Variants in AMMECR1 observed in about 807,000 individuals in gnomAD.
AMMECR1 encodes the protein AMMECR nuclear protein 1, also known as nuclear protein AMMECR1.
Under a neutral mutation model 22.5 loss-of-function variants are expected in AMMECR1, and 3 were observed. That is an observed-to-expected ratio of 0.13 (90% CI 0.06 to 0.35). The LOEUF (loss-of-function observed/expected upper bound fraction) is 0.35, where lower values mean the gene tolerates loss of function less well. AMMECR1 is among the 10% of genes least tolerant of loss of function. The pLI, the probability that AMMECR1 is intolerant of heterozygous loss-of-function variation, is 1.00. For missense variants in AMMECR1, 235 were observed against 278.7 expected (o/e 0.84, Z 1.12); for synonymous variants, 130 against 116.7 (o/e 1.11, Z -0.74).
Position 110,317,604 on chromosome X carries a change from C to A in AMMECR1, c.468G>T (p.Glu156Asp). The A allele has an allele frequency of 8.4e-7, 1 of 1,190,063 alleles. No homozygotes were observed. Among genetic ancestry groups the A allele is most frequent in the Non-Finnish European group, 1.1e-6 (1 of 883,272 alleles). Residue 156 changes from glutamate to aspartate, a missense_variant, in exon 1 of 6, where the codon GAG (glutamate) becomes GAT (aspartate). Transcript: ENST00000262844. ...GCGGAGGGCACGGTACTCACTAGGG[C>A]TCGTTGGTGAATCGGGGGGTCCGGG... ...QQPRTPRFTNEPYPLFVTWKI... is the reference protein window; with the variant it reads ...QQPRTPRFTNDPYPLFVTWKI...
In AMMECR1 at chrX:110,347,307, C is replaced by G. The variant is rs2068194476; in HGVS notation, c.-147-29458G>C. Among the ~76,000 whole-genome samples, 2 of 112,752 alleles carry G rather than the reference C, an allele frequency of 1.8e-5. 1 individual carries two copies. Among genetic ancestry groups the G allele is most frequent in the South Asian group, 7.3e-4 (2 of 2,746 alleles). Reference sequence around the variant, plus strand: ...CCATCTTTCCCCTTTCTTCGAAATGCTGTATGGCATATATATTTTTAATTA... The same window carrying G: ...CCATCTTTCCCCTTTCTTCGAAATGGTGTATGGCATATATATTTTTAATTA... On this transcript the variant is annotated intron_variant, in intron 2 of 7. Transcript: ENST00000372057.
At chrX:110,282,447 A>T (rs2067857147) in intron 1 of AMMECR1, among the ~76,000 whole-genome samples, 1 of 110,679 alleles carries the variant, frequency 9.0e-6, no homozygotes, top group African/African-American at 3.3e-5. Context: ...TGCCTACTTG[A>T]TGAACTGCTA....
At chrX:110,308,868 A>C (rs1221100181) in intron 1 of AMMECR1, among the ~76,000 whole-genome samples, 1 of 111,734 alleles carries the variant, frequency 8.9e-6, no homozygotes, top group Non-Finnish European at 1.9e-5. Context: ...CATGGAAAAA[A>C]GGCAAAGACT....
intron 1 of AMMECR1, among the ~76,000 whole-genome samples, chrX:110,299,284 T>A (rs1023140768): frequency 2.7e-5 from 3 of 112,003 alleles, no homozygotes; most frequent in African/African-American, 3.2e-5. Flanking sequence ...TCTGGATAAG[T>A]TAAAGTTTAA....
At chrX:110,436,052 G>GC (rs1463896631) in intron 1 of AMMECR1, among the ~76,000 whole-genome samples, 3 of 112,589 alleles carry the variant, frequency 2.7e-5, no homozygotes, top group Non-Finnish European at 5.6e-5. Context: ...GTCTTCTATA[G>GC]CCCCAACTAG....
chrX:110,230,075 G>A (rs1318122329), intron 2 of AMMECR1, among the ~76,000 whole-genome samples: 1 of 112,977 alleles, frequency 8.9e-6, no homozygotes, highest in Admixed American at 9.3e-5. Context: ...CTGTGGGCAG[G>A]GCACAGCTGA....
chrX:110,325,937 G>T (rs1009971401), intron 2 of AMMECR1, among the ~76,000 whole-genome samples: 8 of 111,449 alleles, frequency 7.2e-5, no homozygotes, highest in African/African-American at 2.6e-4. Flanking sequence ...TTCTTTAGCT[G>T]CATTCCGTAA....
At chrX:110,289,637 C>A (rs946783531) in intron 1 of AMMECR1, among the ~76,000 whole-genome samples, 1 of 111,444 alleles carries the variant, frequency 9.0e-6, no homozygotes. Flanking sequence ...GCAAATGTGC[C>A]CAGCCTATTT....
chrX:110,422,723 T>G (rs924326271), intron 2 of AMMECR1, among the ~76,000 whole-genome samples: 1 of 111,977 alleles, frequency 8.9e-6, no homozygotes, highest in Admixed American at 9.4e-5. Context: ...TGGGAGAACT[T>G]ATATGCTCTT....
chrX:110,310,564 G>T (rs2068019331), intron 1 of AMMECR1, among the ~76,000 whole-genome samples: 1 of 111,529 alleles, frequency 9.0e-6, no homozygotes. Context: ...GAGTTCTTAT[G>T]CCTGTGATCA....
intron 2 of AMMECR1, among the ~76,000 whole-genome samples, chrX:110,353,308 T>A (rs2068217972): frequency 1.8e-5 from 2 of 112,163 alleles, no homozygotes; most frequent in African/African-American, 3.2e-5. Context: ...GTCTCTATTT[T>A]GTTTATTTCT....
At chrX:110,412,795 T>C (rs2068649754) in intron 2 of AMMECR1, among the ~76,000 whole-genome samples, 1 of 112,103 alleles carries the variant, frequency 8.9e-6, no homozygotes, top group Admixed American at 9.4e-5. Flanking sequence ...GTAAGTATAG[T>C]AGGATCTGAT....
chrX:110,311,949 C>A (rs1160772973), intron 1 of AMMECR1, among the ~76,000 whole-genome samples: 3 of 112,042 alleles, frequency 2.7e-5, no homozygotes, highest in Non-Finnish European at 5.6e-5. Flanking sequence ...GGTTTTACTG[C>A]TGGTCCTCAC....
intron 2 of AMMECR1, among the ~76,000 whole-genome samples, chrX:110,231,787 C>T (rs776263677): frequency 5.1e-4 from 56 of 110,634 alleles, no homozygotes; most frequent in South Asian, 3.1e-3. Context: ...TATGCAAAGA[C>T]GCATACAGGC....
intron 2 of AMMECR1, among the ~76,000 whole-genome samples, chrX:110,360,949 T>C (rs2068259135): frequency 1.8e-5 from 2 of 111,832 alleles, no homozygotes; most frequent in Admixed American, 9.5e-5. Flanking sequence ...TTTATCTTCT[T>C]AGTGATGCTC....
intron 2 of AMMECR1, among the ~76,000 whole-genome samples, chrX:110,250,192 T>C (rs1486735017): frequency 1.8e-5 from 2 of 112,315 alleles, no homozygotes; most frequent in Non-Finnish European, 3.8e-5. Context: ...TACTTTTTCA[T>C]TTTTTAAGCA....
At chrX:110,369,115 G>A (rs1159889813) in intron 2 of AMMECR1, among the ~76,000 whole-genome samples, 13 of 111,833 alleles carry the variant, frequency 1.2e-4, no homozygotes, top group Non-Finnish European at 2.1e-4. Context: ...GGCAGATCAG[G>A]AAGTCAGGGA....
intron 2 of AMMECR1, among the ~76,000 whole-genome samples, chrX:110,396,596 T>G (rs1017745307): frequency 8.9e-6 from 1 of 112,053 alleles, no homozygotes. Flanking sequence ...CAGTTTGATG[T>G]GTATTGGGTA....
At chrX:110,255,884 CAA>C (rs1231216245) in intron 2 of AMMECR1, among the ~76,000 whole-genome samples, 2 of 111,940 alleles carry the variant, frequency 1.8e-5, no homozygotes, top group Non-Finnish European at 3.8e-5. Context: ...AACATCACAC[CAA>C]GTGTAAATCT....
Sources: allele counts gnomAD v4.1 joint callset (sites outside exome capture counted in the v4.1 genomes callset), GRCh38; gene constraint gnomAD v4.1.1; transcripts MANE v1.5; gene names NCBI Gene and HGNC (gene_info 2026-07-23, HGNC 2026-07-21).